The following FGGY variants were observed in gnomAD, a reference collection of about 807,000 sequenced individuals.
FGGY encodes FGGY carbohydrate kinase domain containing.
A neutral mutation model predicts 71.3 loss-of-function variants in FGGY; 72 were observed. The ratio of observed to expected loss-of-function variants is 1.01; its 90% confidence interval spans 0.84 to 1.23. The LOEUF is 1.23. FGGY is among the 50% of genes most tolerant of loss of function. The pLI is 0.00. For synonymous variants in FGGY, 251 were observed against 250.3 expected (o/e 1.00, Z -0.02); for missense variants, 668 against 682.3 (o/e 0.98, Z 0.23).
intron 14 of FGGY, among the ~76,000 whole-genome samples, chr1:59,722,945 C>T (rs1259733735): frequency 2.6e-5 from 4 of 152,128 alleles, no homozygotes; most frequent in African/African-American, 4.8e-5. Context: ...TACAGGCACC[C>T]GCCACCATGC....
intron 1 of FGGY, among the ~76,000 whole-genome samples, chr1:59,300,437 T>G (rs1031598173): frequency 6.6e-6 from 1 of 152,220 alleles, no homozygotes; most frequent in African/African-American, 2.4e-5. Flanking sequence ...GATGCTTGTC[T>G]CAACAGTGTC....
intron 7 of FGGY, among the ~76,000 whole-genome samples, chr1:59,519,899 C>T (rs2094776217): frequency 6.6e-6 from 1 of 152,190 alleles, no homozygotes; most frequent in African/African-American, 2.4e-5. Context: ...TTTCTCTAGG[C>T]CAGTGGTTCT....
At chr1:59,364,939 TAGA>T in intron 4 of FGGY, among the ~76,000 whole-genome samples, 1 of 152,162 alleles carries the variant, frequency 6.6e-6, no homozygotes, top group South Asian at 2.1e-4. Context: ...AGAGAAGAGG[TAGA>T]AGATGACTCC....
chr1:59,340,197 A>G (rs1222430703), intron 3 of FGGY, 128 bp downstream of exon 3: 3 of 644,592 alleles, frequency 4.7e-6, no homozygotes, highest in African/African-American at 3.7e-5. Flanking sequence ...GAGTGAAGTG[A>G]CACAGATCAT....
At chr1:59,587,364 C>G (rs1187096261) in intron 8 of FGGY, among the ~76,000 whole-genome samples, 6 of 152,170 alleles carry the variant, frequency 3.9e-5, no homozygotes, top group African/African-American at 1.4e-4. Flanking sequence ...CCTCTGGGGG[C>G]AGGGAACAGA....
At chr1:59,586,382 T>C (rs2096287046) in intron 8 of FGGY, among the ~76,000 whole-genome samples, 1 of 152,150 alleles carries the variant, frequency 6.6e-6, no homozygotes, top group African/African-American at 2.4e-5. Context: ...CTGGAAACCA[T>C]CATTCTTAGT....
intron 14 of FGGY, among the ~76,000 whole-genome samples, chr1:59,705,486 G>A (rs148211474): frequency 2.6e-5 from 4 of 152,262 alleles, no homozygotes; most frequent in Non-Finnish European, 5.9e-5. Flanking sequence ...AACATACCAG[G>A]CTGGCAGGTC....
chr1:59,351,631 T>A (rs768851432), intron 4 of FGGY, among the ~76,000 whole-genome samples: 11 of 152,200 alleles, frequency 7.2e-5, no homozygotes, highest in Non-Finnish European at 1.6e-4. Context: ...TCTGAATAAT[T>A]TGAATGACTC....
At chr1:59,556,138 C>T (rs554610105) in intron 8 of FGGY, among the ~76,000 whole-genome samples, 60 of 152,274 alleles carry the variant, frequency 3.9e-4, no homozygotes, top group Non-Finnish European at 7.2e-4. Flanking sequence ...GGAGCCAGCC[C>T]TTCTTTCCCT....
chr1:59,707,073 G>A (rs2097762090), intron 14 of FGGY, among the ~76,000 whole-genome samples: 1 of 152,178 alleles, frequency 6.6e-6, no homozygotes. Context: ...GGGAAATTGA[G>A]ATCAAAGCCT....
At chr1:59,322,303 A>G (rs565346243) in intron 2 of FGGY, among the ~76,000 whole-genome samples, 11 of 151,330 alleles carry the variant, frequency 7.3e-5, no homozygotes, top group Non-Finnish European at 1.6e-4. Context: ...TTTTAATTAA[A>G]AAAAGTTCAA....
At chr1:59,384,896 T>TG (rs2059905022) in intron 5 of FGGY, among the ~76,000 whole-genome samples, 2 of 152,138 alleles carry the variant, frequency 1.3e-5, no homozygotes, top group African/African-American at 4.8e-5. Context: ...CAAAAAAACT[T>TG]TGGGTAATAA....
chr1:59,428,477 A>G (rs947359631), intron 5 of FGGY, among the ~76,000 whole-genome samples: 1 of 152,246 alleles, frequency 6.6e-6, no homozygotes, highest in Non-Finnish European at 1.5e-5. Context: ...ATTAGATGCC[A>G]GTGTGTATGG....
At chr1:59,656,002 A>G (rs943019311) in intron 11 of FGGY, among the ~76,000 whole-genome samples, 3 of 152,218 alleles carry the variant, frequency 2.0e-5, no homozygotes, top group African/African-American at 7.2e-5. Context: ...CTTTATATTC[A>G]TAATCTAGGA....
chr1:59,586,098 G>T (rs2096281097), intron 8 of FGGY, among the ~76,000 whole-genome samples: 1 of 152,250 alleles, frequency 6.6e-6, no homozygotes, highest in Non-Finnish European at 1.5e-5. Context: ...GGAAGTCAGT[G>T]TGGCGATTCC....
intron 14 of FGGY, among the ~76,000 whole-genome samples, chr1:59,683,296 G>A (rs1474538942): frequency 1.3e-5 from 2 of 152,176 alleles, no homozygotes; most frequent in African/African-American, 4.8e-5. Context: ...CTCAAATTCA[G>A]ATCTTACTCC....
intron 14 of FGGY, among the ~76,000 whole-genome samples, chr1:59,716,854 C>A (rs992377278): frequency 6.6e-6 from 1 of 152,086 alleles, no homozygotes; most frequent in Non-Finnish European, 1.5e-5. Flanking sequence ...AGATTTCCTG[C>A]AGAAATGGAA....
intron 12 of FGGY, among the ~76,000 whole-genome samples, chr1:59,664,778 T>TGC (rs2097308650): frequency 6.6e-6 from 1 of 152,254 alleles, no homozygotes; most frequent in Non-Finnish European, 1.5e-5. Flanking sequence ...TGGACACTTC[T>TGC]ACAAGTTTTA....
chr1:59,749,908 G>C (rs1465642718), intron 14 of FGGY, among the ~76,000 whole-genome samples: 1 of 152,150 alleles, frequency 6.6e-6, no homozygotes, highest in Non-Finnish European at 1.5e-5. Flanking sequence ...GTTATAGTCA[G>C]TCTGTATTTT....
Sources: allele counts gnomAD v4.1 joint callset (sites outside exome capture counted in the v4.1 genomes callset), GRCh38; gene constraint gnomAD v4.1.1; transcripts MANE v1.5; gene names NCBI Gene and HGNC (gene_info 2026-07-23, HGNC 2026-07-21).